Variants in GON4L observed in about 807,000 individuals in gnomAD.
GON4L encodes the protein gon-4 like.
A neutral mutation model predicts 211.8 loss-of-function variants in GON4L; 87 were observed. The observed-to-expected ratio is 0.41, with a 90% CI of 0.35 to 0.49. GON4L has a LOEUF of 0.49. Among genes scored for constraint, GON4L ranks in the 20% least tolerant of loss-of-function variants. GON4L has a pLI of 0.15. For synonymous variants in GON4L, 875 were observed against 962.6 expected, an observed-to-expected ratio of 0.91 and a Z score of 1.68; for missense variants, 2,155 against 2,659.5, an observed-to-expected ratio of 0.81 and a Z score of 4.17.
At chr1:155,831,498 T>TAA (rs966591198) in intron 2 of GON4L, 1 of 120,174 alleles carries the variant, frequency 8.3e-6, no homozygotes, top group Non-Finnish European at 1.9e-5. Context: ...AATAAATAAA[T>TAA]AAAAAGTTAT....
At position 155,805,910 on chromosome 1, in the gene GON4L, G is replaced by A. The variant is rs373388373; in HGVS notation, c.1453-769C>T. ...TCACCATGTTGGGCACGCTGGTCTC[G>A]AAGTCCTGACCTCAGGTATCTGCCC... On this transcript the variant is annotated intron_variant, in intron 10 of 31. Coordinates refer to ENST00000368331, the MANE Select transcript of GON4L (RefSeq NM_001282860.2). 2.8e-4 allele frequency among the ~76,000 whole-genome samples: 43 copies of A among 151,478 alleles called. No individual in the cohort carries two copies. The South Asian group carries it at 7.1e-3, about 25-fold the overall frequency.
intron 27 of GON4L, among the ~76,000 whole-genome samples, chr1:155,754,998 C>T (rs189283317): frequency 8.3e-4 from 125 of 150,912 alleles, no homozygotes; most frequent in African/African-American, 2.9e-3. Flanking sequence ...CCTCTGCCTC[C>T]TGGGCTCAAG....
chr1:155,813,123 A>G (rs1194898355), intron 10 of GON4L, among the ~76,000 whole-genome samples: 1 of 152,030 alleles, frequency 6.6e-6, no homozygotes, highest in African/African-American at 2.4e-5. Context: ...TACATAGTTC[A>G]TTTCTTCCTT....
intron 19 of GON4L, among the ~76,000 whole-genome samples, chr1:155,770,132 A>C (rs1277497677): frequency 6.6e-6 from 1 of 151,416 alleles, no homozygotes; most frequent in Non-Finnish European, 1.5e-5. Flanking sequence ...GGAATGCTTG[A>C]GCCCAGTAGC....
At chr1:155,781,080 A>G (rs1181302016) in intron 14 of GON4L, among the ~76,000 whole-genome samples, 1 of 152,072 alleles carries the variant, frequency 6.6e-6, no homozygotes, top group African/African-American at 2.4e-5. Context: ...CAGAAGCATA[A>G]AAAAGTAGGT....
At chr1:155,748,555 G>T, downstream of GON4L, 1 of 1,613,728 alleles carries the variant, frequency 6.2e-7, no homozygotes, top group Non-Finnish European at 8.5e-7. Context: ...TGAGGGGTTG[G>T]GTCAGTGCTG....
chr1:155,745,564 G>C (rs1233705831), downstream of GON4L, among the ~76,000 whole-genome samples: 1 of 152,258 alleles, frequency 6.6e-6, no homozygotes, highest in Non-Finnish European at 1.5e-5. Context: ...GGCGGAGACA[G>C]CGCCCACCCC....
intron 27 of GON4L, among the ~76,000 whole-genome samples, chr1:155,755,452 C>G (rs1661080374): frequency 6.6e-6 from 1 of 151,892 alleles, no homozygotes; most frequent in Non-Finnish European, 1.5e-5. Flanking sequence ...CTCAAGTGAT[C>G]CACCCACCTC....
chr1:155,774,897 T>C, intron 17 of GON4L, 105 bp downstream of exon 17: 1 of 1,358,518 alleles, frequency 7.4e-7, no homozygotes, highest in African/African-American at 1.4e-5. Flanking sequence ...ACAAATGTCC[T>C]GTGTCCTCCA....
rs1661671467 is a variant in GON4L at position 155,760,427 on chromosome 1, T to C, written c.5109+17A>G. 6.5e-7 allele frequency: 1 copy of C among 1,546,952 alleles called. No homozygotes were observed. Among genetic ancestry groups the C allele is most frequent in the African/African-American group, 1.4e-5 (1 of 73,452 alleles). ...GACCCAGGAGTCCCAGTGTACTTTT[T>C]TTCCCCATTCACTTACTAATCCACA... On this transcript the variant is annotated intron_variant, in intron 24 of 31. Transcript: ENST00000368331.
chr1:155,754,457 C>A lies in GON4L; in HGVS notation c.5549G>T (p.Cys1850Phe), dbSNP rs776891315. 10 of 1,611,716 alleles carry A rather than the reference C, an allele frequency of 6.2e-6. No homozygotes were observed. The highest frequency in any genetic ancestry group is 2.7e-5 in the African/African-American group (2 of 74,684). The part of the protein sequence containing the change: ...ETEWPDGAKD[C>F]ACSCHEGGPD... ...ACCTCCTTCATGGCAGGAGCAGGCA[C>A]AGTCCTTGGCCCCATCTGGCCATTC... The change falls in exon 28 of 32, where the codon TGT (cysteine) becomes TTT (phenylalanine). Residue 1850 changes from cysteine (C) to phenylalanine (F), a missense_variant. Physicochemically the swap from Cys to Phe is radical, Grantham distance 205 (BLOSUM62 -2). This residue lies in a region of GON4L where 455 missense variants were observed against 504.6 expected (regional missense o/e 0.90). Transcript: ENST00000368331.
At chr1:155,858,875 G>A (rs963731945), upstream of GON4L, among the ~76,000 whole-genome samples, 1 of 151,834 alleles carries the variant, frequency 6.6e-6, no homozygotes, top group Non-Finnish European at 1.5e-5. Flanking sequence ...TGTATTTTTA[G>A]TAGAGATGGG....
chr1:155,777,006 C>A (rs1663884188), intron 15 of GON4L, among the ~76,000 whole-genome samples: 1 of 152,144 alleles, frequency 6.6e-6, no homozygotes, highest in Admixed American at 6.6e-5. Flanking sequence ...TAACCTCAAT[C>A]CAGAGGGACT....
rs1257840214 is a variant in GON4L at position 155,765,053 on chromosome 1, C to A, written c.4420G>T (p.Asp1474Tyr). 6.8e-6 allele frequency: 11 copies of A among 1,614,050 alleles called. No individual in the cohort carries two copies. The highest frequency in any genetic ancestry group is 5.3e-5 in the African/African-American group (4 of 74,930). ...DFDDLTQDEE[D>Y]EMSSASEESV... is the part of the protein sequence containing the mutation. The stretch of plus-strand genomic sequence containing the variant: ...TCCTCAGAAGCTGATGACATTTCAT[C>A]TTCCTCATCTTGGGTGAGGTCATCA... Residue 1474 changes from aspartate (D) to tyrosine (Y), a missense_variant, in exon 21 of 32, where the codon GAT (aspartate) becomes TAT (tyrosine). Physicochemically the swap from Asp to Tyr is radical, Grantham distance 160. Coordinates refer to ENST00000368331, the MANE Select transcript of GON4L (RefSeq NM_001282860.2).
chr1:155,776,398 A>G lies in GON4L; in HGVS notation c.2175T>C (p.Phe725=). ...TTATGGATATTTGGAAACTTACAAG[A>G]AATATCCTGGTGGTAGTGGCCTCCG... is the stretch of plus-strand genomic sequence containing the variant. The part of the protein sequence containing the change: ...LNPEATTTRI[F]LKELGTFAQS... The change falls in exon 16 of 32, where the codon TTT becomes TTC. Residue 725 remains phenylalanine, a synonymous_variant. Coordinates refer to ENST00000368331, the MANE Select transcript of GON4L (RefSeq NM_001282860.2). 1 of 1,599,702 alleles carries G rather than the reference A, an allele frequency of 6.3e-7. No individual in the cohort carries two copies. Among genetic ancestry groups the G allele is most frequent in the African/African-American group, 1.3e-5 (1 of 74,742 alleles).
chr1:155,780,574 T>C (rs2948071), intron 14 of GON4L, among the ~76,000 whole-genome samples: 80,211 of 151,762 alleles, frequency 0.53, 23,279 homozygotes, highest in Middle Eastern at 0.68. Flanking sequence ...GCCTGGGCGA[T>C]AGAGCAAGAC....
chr1:155,788,249 TC>T (rs145144324), intron 12 of GON4L, among the ~76,000 whole-genome samples: 11,205 of 152,180 alleles, frequency 0.074, 561 homozygotes, highest in Non-Finnish European at 0.11. Flanking sequence ...TGCCTCAGTA[TC>T]CCAAAGTGCT....
intron 1 of GON4L, among the ~76,000 whole-genome samples, chr1:155,855,308 T>A (rs774449365): frequency 4.6e-5 from 7 of 152,174 alleles, no homozygotes; most frequent in Non-Finnish European, 8.8e-5. Flanking sequence ...AACTATCAGC[T>A]TTTCGAGAAA....
intron 11 of GON4L, among the ~76,000 whole-genome samples, chr1:155,804,455 T>C (rs1042689353): frequency 6.6e-6 from 1 of 151,922 alleles, no homozygotes; most frequent in Non-Finnish European, 1.5e-5. Flanking sequence ...TTCAACAATC[T>C]TAGGATTCAA....
Sources: allele counts gnomAD v4.1 joint callset (sites outside exome capture counted in the v4.1 genomes callset), GRCh38; gene constraint gnomAD v4.1.1; regional missense constraint gnomAD v4.1.1; transcripts MANE v1.5; gene names NCBI Gene and HGNC (gene_info 2026-07-23, HGNC 2026-07-21).